Variants in LRP12 observed in about 807,000 individuals in gnomAD.
The protein encoded by LRP12 is LDL receptor related protein 12.
A neutral mutation model predicts 66.0 loss-of-function variants in LRP12; 14 were observed. The observed-to-expected ratio is 0.21, with a 90% CI of 0.14 to 0.33. The LOEUF is 0.33. Among genes scored for constraint, LRP12 ranks in the 10% least tolerant of loss-of-function variants. The pLI is 1.00. For missense variants in LRP12, 889 were observed against 1,053.4 expected (o/e 0.84, Z 2.16); for synonymous variants, 357 against 359.1 (o/e 0.99, Z 0.07).
chr8:104,567,530 A>G (rs1422054115), intron 1 of LRP12, among the ~76,000 whole-genome samples: 1 of 152,200 alleles, frequency 6.6e-6, no homozygotes, highest in Non-Finnish European at 1.5e-5. Flanking sequence ...CCAAATCAGA[A>G]AGGAAGAAGT....
intron 3 of LRP12, among the ~76,000 whole-genome samples, chr8:104,503,833 T>C (rs1410027006): frequency 3.9e-5 from 6 of 152,310 alleles, no homozygotes; most frequent in Admixed American, 3.9e-4. Context: ...TTTCTATCTG[T>C]TGCACTGTTG....
chr8:104,583,315 A>G (rs1433142650), intron 1 of LRP12, among the ~76,000 whole-genome samples: 1 of 152,102 alleles, frequency 6.6e-6, no homozygotes, highest in Non-Finnish European at 1.5e-5. Flanking sequence ...TACAACCATT[A>G]TGTTCCAGTT....
chr8:104,517,118 A>T (rs924995507), intron 2 of LRP12, among the ~76,000 whole-genome samples: 25 of 151,394 alleles, frequency 1.7e-4, no homozygotes, highest in African/African-American at 6.1e-4. Context: ...TTCTCATGGA[A>T]ATTATAGTTT....
At chr8:104,569,932 C>A (rs1459534706) in intron 1 of LRP12, among the ~76,000 whole-genome samples, 1 of 152,078 alleles carries the variant, frequency 6.6e-6, no homozygotes, top group Non-Finnish European at 1.5e-5. Context: ...CACAAATACT[C>A]CTAGAACTAA....
intron 1 of LRP12, among the ~76,000 whole-genome samples, chr8:104,553,748 C>A: frequency 6.6e-6 from 1 of 151,970 alleles, no homozygotes; most frequent in Non-Finnish European, 1.5e-5. Context: ...GACCTTAGGG[C>A]AAGCTTGTAT....
intron 2 of LRP12, among the ~76,000 whole-genome samples, chr8:104,530,077 GA>G (rs1474480077): frequency 6.6e-6 from 1 of 151,596 alleles, no homozygotes. Flanking sequence ...TTTTTGTTTT[GA>G]AATATATATT....
chr8:104,562,916 G>T (rs1353389958), intron 1 of LRP12, among the ~76,000 whole-genome samples: 1 of 152,058 alleles, frequency 6.6e-6, no homozygotes, highest in Non-Finnish European at 1.5e-5. Flanking sequence ...GGCATGTCTG[G>T]CTCATCTATC....
At chr8:104,512,911 A>C (rs930601760) in intron 2 of LRP12, among the ~76,000 whole-genome samples, 1 of 152,176 alleles carries the variant, frequency 6.6e-6, no homozygotes, top group Admixed American at 6.5e-5. Flanking sequence ...CATTATTTTA[A>C]AATATTAATG....
At chr8:104,542,301 C>A (rs185524652) in intron 1 of LRP12, among the ~76,000 whole-genome samples, 1 of 152,072 alleles carries the variant, frequency 6.6e-6, no homozygotes, top group Non-Finnish European at 1.5e-5. Flanking sequence ...TTTGGAGAAA[C>A]GTCCTTTCAA....
chr8:104,537,639 G>T (rs1372277118), intron 1 of LRP12, among the ~76,000 whole-genome samples: 3 of 152,018 alleles, frequency 2.0e-5, no homozygotes, highest in Non-Finnish European at 4.4e-5. Context: ...GCTTCAACTA[G>T]AACTCTCAAA....
intron 1 of LRP12, among the ~76,000 whole-genome samples, chr8:104,581,389 C>G (rs185785865): frequency 4.0e-5 from 6 of 151,222 alleles, no homozygotes; most frequent in African/African-American, 1.5e-4. Context: ...TAACATATCA[C>G]TAGGTGATGA....
At chr8:104,531,140 G>C (rs1250541567) in intron 2 of LRP12, among the ~76,000 whole-genome samples, 1 of 152,066 alleles carries the variant, frequency 6.6e-6, no homozygotes, top group African/African-American at 2.4e-5. Context: ...TTAATCAATG[G>C]ATTGATAAAT....
intron 1 of LRP12, among the ~76,000 whole-genome samples, chr8:104,540,108 G>A (rs1345618746): frequency 1.3e-5 from 2 of 151,782 alleles, no homozygotes; most frequent in South Asian, 2.1e-4. Flanking sequence ...AAGGGTGGGG[G>A]CTCTATCCAA....
At chr8:104,492,273 A>C (rs998892679) in intron 6 of LRP12, among the ~76,000 whole-genome samples, 3 of 152,202 alleles carry the variant, frequency 2.0e-5, no homozygotes, top group African/African-American at 7.2e-5. Flanking sequence ...TCATTCTTTG[A>C]AAACTAGTTA....
chr8:104,513,211 G>C (rs1811022580), intron 2 of LRP12, among the ~76,000 whole-genome samples: 1 of 152,100 alleles, frequency 6.6e-6, no homozygotes, highest in African/African-American at 2.4e-5. Context: ...TCCCTTTTGG[G>C]TTAAGAGTTT....
chr8:104,577,921 A>G (rs1454880046), intron 1 of LRP12, among the ~76,000 whole-genome samples: 2 of 152,144 alleles, frequency 1.3e-5, no homozygotes, highest in African/African-American at 4.8e-5. Flanking sequence ...GGAAATTTAT[A>G]GCACTAAATG....
At chr8:104,498,506 A>G (rs1588482987) in intron 4 of LRP12, among the ~76,000 whole-genome samples, 2 of 152,098 alleles carry the variant, frequency 1.3e-5, no homozygotes, top group East Asian at 3.9e-4. Context: ...TTTGCTGAGG[A>G]TAATGGCTTC....
intron 1 of LRP12, among the ~76,000 whole-genome samples, chr8:104,550,463 G>T (rs146299504): frequency 2.1e-3 from 325 of 152,082 alleles, no homozygotes; most frequent in Middle Eastern, 3.4e-3. Flanking sequence ...GTACAGTTTT[G>T]CCTTAATGTC....
At chr8:104,566,922 G>T (rs1283827239) in intron 1 of LRP12, among the ~76,000 whole-genome samples, 2 of 151,850 alleles carry the variant, frequency 1.3e-5, no homozygotes, top group African/African-American at 2.4e-5. Context: ...AACCTCCTTG[G>T]CTGTGATCTT....
Sources: allele counts gnomAD v4.1 joint callset (sites outside exome capture counted in the v4.1 genomes callset), GRCh38; gene constraint gnomAD v4.1.1; transcripts MANE v1.5; gene names NCBI Gene and HGNC (gene_info 2026-07-23, HGNC 2026-07-21).